The following WDR7 variants were observed in gnomAD, a reference collection of about 807,000 sequenced individuals.
WDR7 encodes the protein WD repeat domain 7.
A neutral mutation model predicts 169.4 loss-of-function variants in WDR7; 46 were observed. The ratio of observed to expected loss-of-function variants is 0.27; its 90% confidence interval spans 0.21 to 0.35. WDR7 has a LOEUF of 0.35. Ranked by LOEUF, WDR7 falls within the 10% of genes least tolerant of loss-of-function variation. WDR7 has a pLI of 1.00. For synonymous variants in WDR7, 612 were observed against 666.8 expected (o/e 0.92, Z 1.27); for missense variants, 1,534 against 1,859.3 (o/e 0.83, Z 3.22).
intron 21 of WDR7, among the ~76,000 whole-genome samples, chr18:56,895,283 A>G (rs1414456438): frequency 6.6e-6 from 1 of 152,004 alleles, no homozygotes; most frequent in Non-Finnish European, 1.5e-5. Flanking sequence ...AATGTAAAAA[A>G]TCATCATTTT....
At chr18:56,902,603 A>G (rs79569315) in intron 21 of WDR7, among the ~76,000 whole-genome samples, 1 of 152,204 alleles carries the variant, frequency 6.6e-6, no homozygotes, top group African/African-American at 2.4e-5. Context: ...AACTTGTGTC[A>G]TATGAAATTG....
intron 20 of WDR7, among the ~76,000 whole-genome samples, chr18:56,836,528 A>C (rs1252106589): frequency 6.6e-6 from 1 of 152,214 alleles, no homozygotes; most frequent in African/African-American, 2.4e-5. Context: ...CATACTAGCA[A>C]TTGCTATTGT....
chr18:56,737,032 G>T (rs1044486816), intron 14 of WDR7, among the ~76,000 whole-genome samples: 1 of 152,188 alleles, frequency 6.6e-6, no homozygotes, highest in Admixed American at 6.5e-5. Flanking sequence ...GAGAATGAAA[G>T]TAGGCTGTGA....
At position 56,691,662 on chromosome 18, in the gene WDR7, A is replaced by G. The variant is rs891097093; in HGVS notation, c.864-53A>G. 1.8e-5 allele frequency: 27 copies of G among 1,461,160 alleles called. No individual in the cohort carries two copies. The Admixed American group carries it at 2.7e-4, about 15-fold the overall frequency. 90.5% of individuals were successfully genotyped at this position (1,461,160 alleles called of 1,614,324 possible). ...AACAAACCTTGTCATATGGAATTAT[A>G]AAGTATTTAATGTCAGTATTTTAAT... is the stretch of plus-strand genomic sequence containing the variant. On this transcript the variant is annotated intron_variant, in intron 8 of 27. Coordinates refer to ENST00000254442, the MANE Select transcript of WDR7 (RefSeq NM_015285.3).
intron 21 of WDR7, among the ~76,000 whole-genome samples, chr18:56,921,653 G>T (rs1409624610): frequency 1.3e-5 from 2 of 152,174 alleles, no homozygotes; most frequent in African/African-American, 4.8e-5. Flanking sequence ...TCTTCTGAAA[G>T]GAGGGTCTTT....
At chr18:56,939,001 A>T (rs2046998570) in intron 24 of WDR7, among the ~76,000 whole-genome samples, 1 of 152,142 alleles carries the variant, frequency 6.6e-6, no homozygotes, top group Non-Finnish European at 1.5e-5. Flanking sequence ...GTTCCCTTTG[A>T]CATCTTTCAT....
intron 14 of WDR7, among the ~76,000 whole-genome samples, chr18:56,733,120 G>C (rs2026623595): frequency 6.6e-6 from 1 of 152,124 alleles, no homozygotes. Flanking sequence ...AAAAGCACCA[G>C]ATATCAGAGA....
At chr18:56,787,666 T>A (rs1184923275) in intron 19 of WDR7, among the ~76,000 whole-genome samples, 1 of 152,176 alleles carries the variant, frequency 6.6e-6, no homozygotes, top group Non-Finnish European at 1.5e-5. Flanking sequence ...ACACTCCTAG[T>A]AAATGTTTTG....
intron 27 of WDR7, among the ~76,000 whole-genome samples, chr18:57,022,120 C>T (rs887570451): frequency 2.0e-5 from 3 of 152,218 alleles, no homozygotes; most frequent in Non-Finnish European, 4.4e-5. Flanking sequence ...TGAGTATCCA[C>T]AGCACTGGTG....
At chr18:56,776,729 A>G in intron 16 of WDR7, 53 bp from the exon 17 acceptor site, 1 of 1,512,672 alleles carries the variant, frequency 6.6e-7, no homozygotes. Context: ...TTTTTTCAGA[A>G]ACTGCTGTAC....
intron 19 of WDR7, among the ~76,000 whole-genome samples, chr18:56,793,059 A>G (rs1299304869): frequency 6.6e-6 from 1 of 152,186 alleles, no homozygotes; most frequent in Non-Finnish European, 1.5e-5. Context: ...CAGTATGTGC[A>G]TTCAATTCAG....
intron 14 of WDR7, among the ~76,000 whole-genome samples, chr18:56,732,686 C>G (rs1292974452): frequency 6.6e-6 from 1 of 152,180 alleles, no homozygotes; most frequent in Non-Finnish European, 1.5e-5. Flanking sequence ...ACTGTGAAAT[C>G]ATTCTACATT....
intron 26 of WDR7, among the ~76,000 whole-genome samples, chr18:56,965,740 T>C (rs1480259839): frequency 6.6e-6 from 1 of 152,056 alleles, no homozygotes; most frequent in African/African-American, 2.4e-5. Context: ...ACAGAAAGGG[T>C]TTGCTAACCC....
chr18:56,822,444 A>T (rs2045115374), intron 20 of WDR7, among the ~76,000 whole-genome samples: 1 of 152,224 alleles, frequency 6.6e-6, no homozygotes, highest in Admixed American at 6.5e-5. Context: ...TATTCATAAG[A>T]TGTTTTTACA....
chr18:56,785,789 A>G (rs546973351), intron 19 of WDR7, among the ~76,000 whole-genome samples: 1 of 151,998 alleles, frequency 6.6e-6, no homozygotes, highest in Non-Finnish European at 1.5e-5. Flanking sequence ...TAAGGAAAAC[A>G]ATGAGCCAGT....
At chr18:56,667,427 G>A (rs1037061229) in intron 1 of WDR7, among the ~76,000 whole-genome samples, 2 of 152,118 alleles carry the variant, frequency 1.3e-5, no homozygotes, top group Non-Finnish European at 2.9e-5. Context: ...AAAAGTTTGA[G>A]CATGTTGCTT....
At chr18:56,725,215 T>C (rs1477757503) in intron 13 of WDR7, among the ~76,000 whole-genome samples, 2 of 150,938 alleles carry the variant, frequency 1.3e-5, no homozygotes, top group East Asian at 3.9e-4. Context: ...TCTAGATCCC[T>C]GAGGAATCAC....
chr18:56,754,126 A>C (rs1343844703), intron 14 of WDR7, among the ~76,000 whole-genome samples: 2 of 151,662 alleles, frequency 1.3e-5, no homozygotes, highest in African/African-American at 4.8e-5. Flanking sequence ...GTATATATGT[A>C]CACACACACT....
At chr18:56,855,058 A>G (rs1270667778) in intron 20 of WDR7, among the ~76,000 whole-genome samples, 1 of 152,218 alleles carries the variant, frequency 6.6e-6, no homozygotes, top group East Asian at 1.9e-4. Flanking sequence ...TCCAAGATGT[A>G]TGAGAGATGC....
Sources: allele counts gnomAD v4.1 joint callset (sites outside exome capture counted in the v4.1 genomes callset), GRCh38; gene constraint gnomAD v4.1.1; transcripts MANE v1.5; gene names NCBI Gene and HGNC (gene_info 2026-07-23, HGNC 2026-07-21).